The following CFAP20DC variants were observed in gnomAD, a reference collection of about 807,000 sequenced individuals.
CFAP20DC encodes CFAP20 domain containing.
A neutral mutation model predicts 101.7 loss-of-function variants in CFAP20DC; 84 were observed. The observed-to-expected ratio is 0.83, with a 90% confidence interval of 0.69 to 0.99. The LOEUF (loss-of-function observed/expected upper bound fraction) is 0.99. Among genes scored for constraint, CFAP20DC ranks in the 50% least tolerant of loss-of-function variants. The probability of loss-of-function intolerance (pLI) is 0.00; values close to 1 mark genes in which losing one functional copy is unlikely to be tolerated. For missense variants in CFAP20DC, 1,007 were observed against 970.3 expected (o/e 1.04, Z -0.50); for synonymous variants, 359 against 351.2 (o/e 1.02, Z -0.25).
At chr3:58,737,019 T>C (rs1575522377), downstream of CFAP20DC, 2 of 302,384 alleles carry the variant, frequency 6.6e-6, no homozygotes, top group East Asian at 8.9e-5. This position sits in a 1 kb window ranked among gnomAD's most constrained non-coding sequence, Gnocchi z 4.1. Context: ...GAATGAACTT[T>C]CATTTAGATT....
chr3:58,930,832 G>T (rs1400400290), intron 5 of CFAP20DC, among the ~76,000 whole-genome samples: 1 of 152,210 alleles, frequency 6.6e-6, no homozygotes, highest in African/African-American at 2.4e-5. Context: ...ACAGCTCCCA[G>T]CGTGAGCGAC....
At chr3:59,028,742 T>C (rs941114619) in intron 4 of CFAP20DC, among the ~76,000 whole-genome samples, 1 of 152,222 alleles carries the variant, frequency 6.6e-6, no homozygotes, top group African/African-American at 2.4e-5. Context: ...TTATGCCTAC[T>C]ATCCAGGCTA....
intron 4 of CFAP20DC, among the ~76,000 whole-genome samples, chr3:59,004,702 C>A (rs1040677163): frequency 3.3e-5 from 5 of 152,228 alleles, no homozygotes; most frequent in Non-Finnish European, 5.9e-5. Context: ...TACTTGGTAA[C>A]AGTCAGCTGT....
chr3:58,919,411 T>C (rs2085099085), intron 5 of CFAP20DC, among the ~76,000 whole-genome samples: 1 of 152,226 alleles, frequency 6.6e-6, no homozygotes, highest in Admixed American at 6.5e-5. Context: ...AGTGTCTTAA[T>C]TACTTATGCT....
chr3:58,959,032 C>T (rs1309258700), intron 4 of CFAP20DC, among the ~76,000 whole-genome samples: 3 of 152,098 alleles, frequency 2.0e-5, no homozygotes, highest in Non-Finnish European at 4.4e-5. Flanking sequence ...TTCACTAACC[C>T]AGGGTCATAA....
intron 14 of CFAP20DC, among the ~76,000 whole-genome samples, chr3:58,828,341 T>C (rs1008163457): frequency 6.6e-6 from 1 of 152,226 alleles, no homozygotes; most frequent in African/African-American, 2.4e-5. Flanking sequence ...AGCTTGGATC[T>C]CAACCGTGGA....
At chr3:58,925,844 T>C (rs976475660) in intron 5 of CFAP20DC, among the ~76,000 whole-genome samples, 1 of 152,220 alleles carries the variant, frequency 6.6e-6, no homozygotes, top group South Asian at 2.1e-4. Flanking sequence ...AGAGGTCACA[T>C]GTTAATCTTA....
At chr3:58,858,324 A>T (rs1438383737) in intron 12 of CFAP20DC, among the ~76,000 whole-genome samples, 1 of 152,220 alleles carries the variant, frequency 6.6e-6, no homozygotes, top group East Asian at 1.9e-4. Flanking sequence ...ACTGTAGCAC[A>T]GCATATGTAT....
intron 4 of CFAP20DC, among the ~76,000 whole-genome samples, chr3:58,951,506 C>A (rs1241229545): frequency 6.6e-6 from 1 of 152,114 alleles, no homozygotes; most frequent in Non-Finnish European, 1.5e-5. Context: ...TGGAGCCAAG[C>A]CAAATGTCCA....
At chr3:58,774,406 T>C (rs527362910) in intron 15 of CFAP20DC, among the ~76,000 whole-genome samples, 2 of 152,238 alleles carry the variant, frequency 1.3e-5, no homozygotes, top group Admixed American at 6.5e-5. Flanking sequence ...ATGAGGACCG[T>C]AGGCGTGAAC....
intron 15 of CFAP20DC, among the ~76,000 whole-genome samples, chr3:58,784,016 A>G (rs1382786476): frequency 6.6e-6 from 1 of 150,902 alleles, no homozygotes. Flanking sequence ...CCCTTCCACC[A>G]CTAGGGGTAC....
chr3:58,847,974 A>C (rs1232089384), intron 13 of CFAP20DC, among the ~76,000 whole-genome samples: 2 of 124,464 alleles, frequency 1.6e-5, no homozygotes, highest in African/African-American at 3.1e-5. Context: ...CAATGAGATC[A>C]CATGGACACA....
chr3:59,045,052 T>C lies in CFAP20DC; in HGVS notation c.205+1177A>G, dbSNP rs116006030. Among the ~76,000 whole-genome samples, 716 of 151,598 alleles carry C rather than the reference T, an allele frequency of 4.7e-3. 3 individuals are homozygous for C. The highest frequency in any genetic ancestry group is 0.017 in the African/African-American group (688 of 41,396). The stretch of plus-strand genomic sequence containing the variant: ...CTATTAGGAAAGCATAATCTTTAAG[T>C]GGCAATAAATTAAAAACTATCTTTA... On this transcript the variant is annotated intron_variant, in intron 3 of 16. Coordinates refer to ENST00000482387, the MANE Select transcript of CFAP20DC (RefSeq NM_001394063.1).
intron 12 of CFAP20DC, chr3:58,862,289 T>C (rs2079316286): frequency 2.0e-6 from 2 of 985,234 alleles, no homozygotes; most frequent in South Asian, 4.7e-5. Flanking sequence ...GTTTAGACCA[T>C]GGAAGGATTA....
chr3:58,751,522 G>C (rs2068572933), intron 16 of CFAP20DC, among the ~76,000 whole-genome samples: 1 of 152,078 alleles, frequency 6.6e-6, no homozygotes, highest in Non-Finnish European at 1.5e-5. Context: ...GCCGGCTGAG[G>C]GCTGACAGGT....
intron 5 of CFAP20DC, among the ~76,000 whole-genome samples, chr3:58,937,271 T>G (rs925494649): frequency 2.6e-5 from 4 of 152,218 alleles, no homozygotes; most frequent in Non-Finnish European, 5.9e-5. Context: ...TTGCTTTTGC[T>G]GGAATGCCTG....
rs746369996 is a variant in CFAP20DC, at chr3:58,729,623, T to C, written c.198-11995A>G. ...CAGTGTTGTGTCTTTCTAATTCATA[T>C]GGCTTTTATTTTTAATTCTGGCTTT... On this transcript the variant is annotated intron_variant, in intron 3 of 3. Coordinates refer to the CFAP20DC transcript ENST00000486145. This position sits in a 1 kb window ranked among gnomAD's most constrained non-coding sequence, Gnocchi z 4.4. Among the ~76,000 whole-genome samples the C allele has an allele frequency of 3.3e-5, 5 of 152,228 alleles. No individual in the cohort carries two copies. The highest frequency in any genetic ancestry group is 7.3e-5 in the Non-Finnish European group (5 of 68,044).
At chr3:58,749,576 G>A (rs1200202136) in intron 16 of CFAP20DC, among the ~76,000 whole-genome samples, 1 of 152,198 alleles carries the variant, frequency 6.6e-6, no homozygotes, top group Non-Finnish European at 1.5e-5. Flanking sequence ...AATATTTGGT[G>A]TGGCTTTGCC....
chr3:58,870,331 A>G (rs1559740391), intron 7 of CFAP20DC, 22 bp from the exon 8 acceptor site: 1 of 1,609,126 alleles, frequency 6.2e-7, no homozygotes, highest in East Asian at 2.2e-5. Flanking sequence ...AAGGAAGGTA[A>G]TAATAGTCCA....
Sources: allele counts gnomAD v4.1 joint callset (sites outside exome capture counted in the v4.1 genomes callset), GRCh38; gene constraint gnomAD v4.1.1; non-coding constraint Gnocchi (gnomAD v3.1); transcripts MANE v1.5; gene names NCBI Gene and HGNC (gene_info 2026-07-23, HGNC 2026-07-21).